The following BICDL1 variants were observed in gnomAD, a reference collection of about 807,000 sequenced individuals.
BICDL1 encodes BICD family-like cargo adapter 1.
In BICDL1, 20 loss-of-function variants were observed where a neutral mutation model predicts 76.8. The ratio of observed to expected loss-of-function variants is 0.26; its 90% CI spans 0.18 to 0.38. The LOEUF is 0.38. Ranked by LOEUF, BICDL1 falls within the 10% of genes least tolerant of loss-of-function variation. BICDL1 has a pLI of 1.00. For missense variants in BICDL1, 700 were observed against 798.6 expected, an observed-to-expected ratio of 0.88 and a Z score of 1.49; for synonymous variants, 383 against 337.1, an observed-to-expected ratio of 1.14 and a Z score of -1.49.
At chr12:120,087,596 T>C (rs1199724769) in intron 8 of BICDL1, among the ~76,000 whole-genome samples, 1 of 152,210 alleles carries the variant, frequency 6.6e-6, no homozygotes, top group East Asian at 1.9e-4. Flanking sequence ...AGGAGCATGC[T>C]TTTGTTAGCT....
intron 1 of BICDL1, among the ~76,000 whole-genome samples, chr12:119,993,744 G>A (rs943823724): frequency 2.6e-5 from 4 of 151,614 alleles, no homozygotes; most frequent in East Asian, 1.9e-4. Context: ...TCAGCCTTCC[G>A]AGTAGCTGGG....
chr12:120,011,867 G>A (rs957433707), intron 2 of BICDL1, among the ~76,000 whole-genome samples: 1 of 152,148 alleles, frequency 6.6e-6, no homozygotes, highest in African/African-American at 2.4e-5. Flanking sequence ...GAAGACCTAG[G>A]TTCTAGCCCA....
intron 8 of BICDL1, among the ~76,000 whole-genome samples, chr12:120,089,317 G>A (rs1215385730): frequency 1.4e-5 from 2 of 147,364 alleles, no homozygotes; most frequent in South Asian, 2.1e-4. Context: ...GTGTGACGGA[G>A]TTCTGCTCTT....
Position 119,990,091 on chromosome 12 carries a change from C to T in BICDL1, c.223C>T (p.His75Tyr). The T allele has an allele frequency of 6.5e-7, 1 of 1,540,666 alleles. No individual in the cohort carries two copies. The highest frequency in any genetic ancestry group is 8.7e-7 in the Non-Finnish European group (1 of 1,143,558). The change falls in exon 1 of 10, where the codon CAC (histidine) becomes TAC (tyrosine). Residue 75 changes from histidine to tyrosine, a missense_variant. By Grantham distance (83) the His-to-Tyr change is moderately conservative (BLOSUM62 2). This residue lies in a region of BICDL1 where 225 missense variants were observed against 199.6 expected (regional missense o/e 1.13). Transcript: ENST00000548673. Reference protein sequence around the residue: ...AGERPSDPGEHPQAEPGSLAE... With the variant: ...AGERPSDPGEYPQAEPGSLAE... Reference sequence around the variant, plus strand: ...GGAGCGGCCGTCCGACCCCGGGGAACACCCTCAGGCCGAGCCTGGGTCTCT... The same window carrying T: ...GGAGCGGCCGTCCGACCCCGGGGAATACCCTCAGGCCGAGCCTGGGTCTCT...
rs1350261783 is a variant in BICDL1, at chr12:120,064,733, A to T, written c.763A>T (p.Ile255Phe). 1.2e-6 allele frequency: 2 copies of T among 1,606,978 alleles called. No individual in the cohort carries two copies. The highest frequency in any genetic ancestry group is 1.7e-6 in the Non-Finnish European group (2 of 1,176,820). ...IIRLESLQAE[I>F]KMLSDRKREL... ...CCCCTGTGGCTCTCCACCCTTTCAG[A>T]TCAAGATGCTGTCAGATCGGAAACG... The change falls in exon 4 of 10, where the codon ATC (isoleucine) becomes TTC (phenylalanine). Residue 255 changes from isoleucine to phenylalanine, a missense_variant and splice_region_variant. Ile to Phe is a conservative substitution (Grantham distance 21, BLOSUM62 0). This residue lies in a region of BICDL1 where 455 missense variants were observed against 548.7 expected (regional missense o/e 0.83). Transcript: ENST00000548673.
intron 2 of BICDL1, among the ~76,000 whole-genome samples, chr12:120,060,667 C>G (rs1205451398): frequency 6.6e-6 from 1 of 152,216 alleles, no homozygotes; most frequent in Non-Finnish European, 1.5e-5. Flanking sequence ...TGAGAATCTT[C>G]TGTGGCTCTG....
At chr12:120,078,012 A>G (rs1488300777) in intron 7 of BICDL1, among the ~76,000 whole-genome samples, 2 of 152,156 alleles carry the variant, frequency 1.3e-5, no homozygotes, top group Admixed American at 1.3e-4. Context: ...CATAGGATAC[A>G]AAGGGCAGTG....
At chr12:120,074,709 CAAGGA>C in intron 7 of BICDL1, 123 bp downstream of exon 7, 1 of 781,466 alleles carries the variant, frequency 1.3e-6, no homozygotes, top group Non-Finnish European at 1.6e-6. Flanking sequence ...ATCAGATCAT[CAAGGA>C]ATGGTGACCT....
intron 2 of BICDL1, among the ~76,000 whole-genome samples, chr12:120,026,375 A>G (rs780921966): frequency 6.6e-6 from 1 of 152,208 alleles, no homozygotes; most frequent in African/African-American, 2.4e-5. Flanking sequence ...TTTGTATAGT[A>G]TAATATTTAC....
Position 120,071,664 on chromosome 12 carries a change from T to G in BICDL1, c.952T>G (p.Cys318Gly), listed in dbSNP as rs1339469520. Residue 318 changes from cysteine to glycine, a missense_variant, in exon 5 of 10, where the codon TGC becomes GGC. Transcript: ENST00000548673. This position sits in a 1 kb window ranked among gnomAD's most constrained non-coding sequence, Gnocchi z 4.8. Reference protein sequence around the residue: ...QLELQEVRLSCRQLQVKVEEL... With the variant: ...QLELQEVRLSGRQLQVKVEEL... ...GGAGCTTCAGGAGGTGCGTCTCTCCTGCCGACAGCTGCAGGTGAAGGTGGA... is the reference window on the plus strand; with the variant it reads ...GGAGCTTCAGGAGGTGCGTCTCTCCGGCCGACAGCTGCAGGTGAAGGTGGA... 2 of 1,612,504 alleles carry G rather than the reference T, an allele frequency of 1.2e-6. No homozygotes were observed. The highest frequency in any genetic ancestry group is 1.7e-6 in the Non-Finnish European group (2 of 1,179,686).
chr12:120,090,623 G>A (rs1440153290), intron 9 of BICDL1: 1 of 351,544 alleles, frequency 2.8e-6, no homozygotes, highest in Non-Finnish European at 5.6e-6. Context: ...GCTGGGTTTT[G>A]TTCGTGAGGT....
intron 4 of BICDL1, among the ~76,000 whole-genome samples, chr12:120,067,816 T>A (rs575711852): frequency 6.6e-6 from 1 of 152,336 alleles, no homozygotes; most frequent in African/African-American, 2.4e-5. Flanking sequence ...CATTTGTAAT[T>A]GTGCCAAATG....
At chr12:120,054,567 TAC>T (rs1952934909) in intron 2 of BICDL1, among the ~76,000 whole-genome samples, 1 of 152,128 alleles carries the variant, frequency 6.6e-6, no homozygotes, top group Non-Finnish European at 1.5e-5. Flanking sequence ...GATGGAATAT[TAC>T]AGTCATATAA....
intron 2 of BICDL1, among the ~76,000 whole-genome samples, chr12:120,043,197 A>G (rs947465790): frequency 3.3e-5 from 5 of 152,212 alleles, no homozygotes; most frequent in African/African-American, 1.2e-4. Flanking sequence ...TCCGACCTAG[A>G]AAATGCTAAA....
Position 120,015,566 on chromosome 12 carries a change from A to G in BICDL1, c.645+16830A>G, listed in dbSNP as rs75135262. Among the ~76,000 whole-genome samples, 508 of 152,264 alleles carry G rather than the reference A, an allele frequency of 3.3e-3. 3 individuals are homozygous for G. The highest frequency in any genetic ancestry group is 0.014 in the Middle Eastern group (4 of 294). On this transcript the variant is annotated intron_variant, in intron 2 of 9. Transcript: ENST00000548673. ...GTCATCTCTTACGGTTAATTCATGT[A>G]TTTGACTCCATTGAGTCAAGGACTG...
intron 2 of BICDL1, among the ~76,000 whole-genome samples, chr12:120,052,205 GT>G (rs1242609301): frequency 1.3e-5 from 2 of 152,062 alleles, no homozygotes; most frequent in Non-Finnish European, 1.5e-5. Flanking sequence ...GCCTCCCAAA[GT>G]GCTGGGATTA....
At chr12:120,016,991 C>G (rs1228952075) in intron 2 of BICDL1, among the ~76,000 whole-genome samples, 2 of 152,162 alleles carry the variant, frequency 1.3e-5, no homozygotes, top group Non-Finnish European at 2.9e-5. Context: ...CTCCCGGGTT[C>G]ATGCCATTCT....
At chr12:120,028,782 A>T (rs964731555) in intron 2 of BICDL1, among the ~76,000 whole-genome samples, 5 of 152,164 alleles carry the variant, frequency 3.3e-5, no homozygotes, top group Non-Finnish European at 5.9e-5. Flanking sequence ...CTTAGGCTAG[A>T]GGAGCTTCTG....
intron 2 of BICDL1, among the ~76,000 whole-genome samples, chr12:120,001,013 A>G (rs911264673): frequency 6.6e-6 from 1 of 152,084 alleles, no homozygotes; most frequent in South Asian, 2.1e-4. Context: ...GGAAGATAAC[A>G]TTTCTACTAG....
Sources: gnomAD v4.1 joint callset for allele counts (sites outside exome capture counted in the v4.1 genomes callset) on GRCh38, gnomAD v4.1.1 for gene constraint, gnomAD v4.1.1 regional missense constraint, Gnocchi (gnomAD v3.1) non-coding constraint, MANE v1.5 for transcripts, NCBI Gene and HGNC (gene_info 2026-07-23, HGNC 2026-07-21) for gene names.